Variants in APPL2 observed in about 807,000 individuals in gnomAD.
The protein encoded by APPL2 is DCC-interacting protein 13-beta.
A neutral mutation model predicts 92.7 loss-of-function variants in APPL2; 84 were observed. The ratio of observed to expected loss-of-function variants is 0.91; its 90% CI spans 0.76 to 1.09. The LOEUF (loss-of-function observed/expected upper bound fraction) is 1.09. APPL2 is among the 50% of genes least tolerant of loss of function. The probability of loss-of-function intolerance (pLI) is 0.00; values close to 1 mark genes in which losing one functional copy is unlikely to be tolerated. For missense variants in APPL2, 736 were observed against 824.5 expected (o/e 0.89, Z 1.31); for synonymous variants, 291 against 291.0 (o/e 1.00, Z 0.00).
At chr12:105,199,678 C>T (rs1217310953) in intron 9 of APPL2, 147 bp from the exon 10 acceptor site, 8 of 771,558 alleles carry the variant, frequency 1.0e-5, no homozygotes, top group African/African-American at 3.5e-5. Flanking sequence ...CAACCCTCTA[C>T]CCTTAGGCCC....
chr12:105,194,011 C>G (rs538853585), intron 14 of APPL2, among the ~76,000 whole-genome samples: 33 of 152,260 alleles, frequency 2.2e-4, no homozygotes, highest in Non-Finnish European at 4.6e-4. Flanking sequence ...TCTCAGATAC[C>G]CCGTGCCCGG....
intron 10 of APPL2, among the ~76,000 whole-genome samples, chr12:105,198,721 G>A (rs898336327): frequency 1.3e-5 from 2 of 152,208 alleles, no homozygotes; most frequent in African/African-American, 2.4e-5. Flanking sequence ...CTGCCTGGGA[G>A]GGATGACCAC....
chr12:105,235,931 C>G, intron 1 of APPL2, 28 bp downstream of exon 1: 1 of 1,236,876 alleles, frequency 8.1e-7, no homozygotes, highest in Non-Finnish European at 1.0e-6. Context: ...CCCCTGCGGG[C>G]GAGGGGCACC....
At chr12:105,206,657 G>T (rs567430304) in intron 8 of APPL2, among the ~76,000 whole-genome samples, 14 of 152,330 alleles carry the variant, frequency 9.2e-5, no homozygotes, top group African/African-American at 2.9e-4. Flanking sequence ...CACCTGAGGA[G>T]CCAGCAGAGC....
chr12:105,177,117 T>C, intron 18 of APPL2, 101 bp from the exon 19 acceptor site: 1 of 1,597,844 alleles, frequency 6.3e-7, no homozygotes, highest in Non-Finnish European at 8.6e-7. Context: ...ATCCTATTAG[T>C]CCTATTAGTG....
At position 105,197,945 on chromosome 12, in the gene APPL2, C is replaced by G. The variant is rs753597126; in HGVS notation, c.872G>C (p.Gly291Ala). The G allele has an allele frequency of 1.2e-6, 2 of 1,613,780 alleles. No homozygotes were observed. The highest frequency in any genetic ancestry group is 4.5e-5 in the East Asian group (2 of 44,880). The stretch of plus-strand genomic sequence containing the variant: ...CCTCTCCCAGGTGGTGGTGACCAGC[C>G]CTGTTTTGCTGTGAGTTGTGTTTTA... ...AGYLNLRNKT[G>A]LVTTTWERLY... is the part of the protein sequence containing the mutation. The change falls in exon 11 of 21, where the codon GGG becomes GCG. Residue 291 changes from glycine (G) to alanine (A), a missense_variant. Physicochemically the swap from Gly to Ala is moderately conservative, Grantham distance 60. Coordinates refer to ENST00000258530, the MANE Select transcript of APPL2 (RefSeq NM_018171.5).
chr12:105,210,117 T>C (rs982155243), intron 5 of APPL2, among the ~76,000 whole-genome samples: 1 of 152,160 alleles, frequency 6.6e-6, no homozygotes, highest in Admixed American at 6.5e-5. Context: ...TGCGCCACCA[T>C]GCCCGGCTAA....
chr12:105,212,883 CG>C (rs1433292755), intron 4 of APPL2, among the ~76,000 whole-genome samples: 1 of 152,158 alleles, frequency 6.6e-6, no homozygotes, highest in Non-Finnish European at 1.5e-5. Context: ...AAGGAAGCAC[CG>C]GGGCAAACTG....
At chr12:105,199,044 TGGG>T (rs1351019560) in intron 10 of APPL2, among the ~76,000 whole-genome samples, 1 of 152,084 alleles carries the variant, frequency 6.6e-6, no homozygotes, top group African/African-American at 2.4e-5. Flanking sequence ...CCAGCTGGTG[TGGG>T]GGAAGTGGCA....
chr12:105,203,830 G>A (rs1888456531), intron 8 of APPL2, 45 bp from the exon 9 acceptor site: 2 of 1,558,272 alleles, frequency 1.3e-6, no homozygotes, highest in Non-Finnish European at 1.8e-6. Context: ...CCAGGGAAGT[G>A]ATCAGTGAAC....
rs1487884363 is a variant in APPL2 at position 105,173,563 on chromosome 12, A to G, written c.*751T>C. Reference sequence around the variant, plus strand: ...CCCTTCCCTGAAGAGGGTCTGGCTCAGAAGAAACAGGAACTGGTAGAGCTG... The same window carrying G: ...CCCTTCCCTGAAGAGGGTCTGGCTCGGAAGAAACAGGAACTGGTAGAGCTG... On this transcript the variant is annotated 3_prime_UTR_variant, in exon 21 of 21. Coordinates refer to ENST00000258530, the MANE Select transcript of APPL2 (RefSeq NM_018171.5). 1 of 152,678 alleles carries G rather than the reference A, an allele frequency of 6.5e-6. No individual in the cohort carries two copies. Among genetic ancestry groups the G allele is most frequent in the Non-Finnish European group, 1.5e-5 (1 of 68,060 alleles). 9.5% of individuals were successfully genotyped at this position (152,678 alleles called of 1,614,324 possible). A position where few individuals can be genotyped will look rare whatever the true frequency, so the allele number is the denominator to read the frequency against.
At chr12:105,207,499 G>A (rs1888827902) in intron 7 of APPL2, among the ~76,000 whole-genome samples, 1 of 152,218 alleles carries the variant, frequency 6.6e-6, no homozygotes, top group South Asian at 2.1e-4. Flanking sequence ...TACTGAAGAA[G>A]GCTGCAGACA....
At position 105,235,966 on chromosome 12, in the gene APPL2, C is replaced by T; in HGVS notation, c.47G>A (p.Ser16Asn). ...KLLLEEALQD[S>N]PQTRSLLSVF... ...CGGAGCGGCGGGAGGTACCTGGGGG[C>T]TGTCCTGCAACGCCTCCTCTAGCAG... Residue 16 changes from serine to asparagine, a missense_variant, in exon 1 of 21, where the codon AGC becomes AAC. By Grantham distance (46) the Ser-to-Asn change is conservative. Coordinates refer to ENST00000258530, the MANE Select transcript of APPL2 (RefSeq NM_018171.5). 1.6e-6 allele frequency: 2 copies of T among 1,250,840 alleles called. No individual in the cohort carries two copies. Among genetic ancestry groups the T allele is most frequent in the Non-Finnish European group, 1.0e-6 (1 of 989,642 alleles). 77.5% of individuals were successfully genotyped at this position (1,250,840 alleles called of 1,614,324 possible). A position where few individuals can be genotyped will look rare whatever the true frequency, so the allele number is the denominator to read the frequency against.
At position 105,179,887 on chromosome 12, in the gene APPL2, G is replaced by A. The variant is rs150276489; in HGVS notation, c.1635-2625C>T. ...CTGGATATTAGCCCTCTGTCAGATGGATAGATTGAAAAAATTTTCTCCCAT... is the reference window on the plus strand; with the variant it reads ...CTGGATATTAGCCCTCTGTCAGATGAATAGATTGAAAAAATTTTCTCCCAT... On this transcript the variant is annotated intron_variant, in intron 17 of 20. Transcript: ENST00000258530. Among the ~76,000 whole-genome samples the A allele has an allele frequency of 2.9e-3, 437 of 152,216 alleles. 18 individuals carry two copies. The East Asian group carries it at 0.072, about 25-fold the overall frequency.
In APPL2 at chr12:105,188,466, C is replaced by T. The variant is rs201637640; in HGVS notation, c.1460-19G>A. 1.1e-3 allele frequency: 1,819 copies of T among 1,612,916 alleles called. 15 individuals are homozygous for T. Among genetic ancestry groups the T allele is most frequent in the Middle Eastern group, 2.1e-3 (13 of 6,060 alleles). ...AGAGAATCTGGAAGACAGCATTTTC[C>T]ACTCAGGATCTCATTTACTTCCTGC... On this transcript the variant is annotated intron_variant, in intron 16 of 20. Transcript: ENST00000258530.
chr12:105,234,390 A>G (rs919146877), intron 1 of APPL2, among the ~76,000 whole-genome samples: 1 of 152,222 alleles, frequency 6.6e-6, no homozygotes, highest in African/African-American at 2.4e-5. Context: ...TGAGCGTGAG[A>G]GCCAGAATTA....
rs751464567 is a variant in APPL2, at chr12:105,190,116, G to A, written c.1281C>T (p.Asp427=). The A allele has an allele frequency of 6.2e-7, 1 of 1,613,994 alleles. No homozygotes were observed. The highest frequency in any genetic ancestry group is 8.5e-7 in the Non-Finnish European group (1 of 1,179,980). ...TGGCTGTTGCTTTGGGAACAATCTT[G>A]TCATTTTCATTTTCCATCTCTGAAT... is the stretch of plus-strand genomic sequence containing the variant. ...LKNSEMENEN[D]KIVPKATASL... is the part of the protein sequence containing the mutation. Residue 427 remains aspartate (D), a synonymous_variant, in exon 15 of 21, where the codon GAC becomes GAT. Transcript: ENST00000258530.
chr12:105,212,851 T>TA (rs1473225562), intron 4 of APPL2, among the ~76,000 whole-genome samples: 3 of 152,216 alleles, frequency 2.0e-5, no homozygotes, highest in African/African-American at 7.2e-5. Flanking sequence ...AAGACTTGCC[T>TA]AAGGTCAACC....
At chr12:105,214,554 T>C (rs978026575) in intron 4 of APPL2, among the ~76,000 whole-genome samples, 2 of 152,382 alleles carry the variant, frequency 1.3e-5, no homozygotes, top group Non-Finnish European at 1.5e-5. Flanking sequence ...TATCATGATA[T>C]AATAAAAAAT....
Sources: gnomAD v4.1 joint callset for allele counts (sites outside exome capture counted in the v4.1 genomes callset) on GRCh38, gnomAD v4.1.1 for gene constraint, MANE v1.5 for transcripts, NCBI Gene and HGNC (gene_info 2026-07-23, HGNC 2026-07-21) for gene names.